Variants in GDA observed in about 807,000 individuals in gnomAD.
GDA encodes guanine deaminase, also known as cytoplasmic PSD-95 interactor.
In GDA, 18 loss-of-function variants were observed where a neutral mutation model predicts 59.6. That is an observed-to-expected ratio of 0.30 (90% CI 0.21 to 0.45). GDA has a LOEUF of 0.45. Among genes scored for constraint, GDA ranks in the 20% least tolerant of loss-of-function variants. GDA has a pLI of 1.00. For missense variants in GDA, 427 were observed against 552.3 expected, an observed-to-expected ratio of 0.77 and a Z score of 2.27; for synonymous variants, 201 against 201.1, an observed-to-expected ratio of 1.00 and a Z score of 0.00.
At chr9:72,195,337 C>CTT (rs55634274) in intron 1 of GDA, among the ~76,000 whole-genome samples, 163 bp from the exon 2 acceptor site, 32,458 of 119,192 alleles carry the variant, frequency 0.27, 4,599 homozygotes, top group East Asian at 0.55. Flanking sequence ...AAACACCTGT[C>CTT]TTTTTTTTTT....
chr9:72,248,512 T>C lies in GDA; in HGVS notation c.*170T>C, dbSNP rs377685147. 7 of 1,419,330 alleles carry C rather than the reference T, an allele frequency of 4.9e-6. No homozygotes were observed. Among genetic ancestry groups the C allele is most frequent in the Non-Finnish European group, 9.2e-7 (1 of 1,086,702 alleles). The allele number at this position is 1,419,330 out of a possible 1,614,324, so 87.9% of individuals were successfully genotyped here. A position where few individuals can be genotyped will look rare whatever the true frequency, so the allele number is the denominator to read the frequency against. On this transcript the variant is annotated 3_prime_UTR_variant, in exon 14 of 14. Coordinates refer to ENST00000358399, the MANE Select transcript of GDA (RefSeq NM_004293.5). ...ACAAATAGTTCGAAGGAAGTTGCAC[T>C]AATTCTCAACTCTGGTTGAGAGGGT...
In GDA at chr9:72,225,749, T is replaced by G. The variant is rs1321695451; in HGVS notation, c.787T>G (p.Ser263Ala). Residue 263 changes from serine (S) to alanine (A), a missense_variant, in exon 8 of 14, where the codon TCT (serine) becomes GCT (alanine). By Grantham distance (99) the Ser-to-Ala change is moderately conservative (BLOSUM62 1). Transcript: ENST00000358399. ...ATACCCCAGTTATAAAAACTACACATCTGTGTATGATAAAAACAATCTTTT... is the reference window on the plus strand; with the variant it reads ...ATACCCCAGTTATAAAAACTACACAGCTGTGTATGATAAAAACAATCTTTT... ...NLYPSYKNYT[S>A]VYDKNNLLTN... The G allele has an allele frequency of 6.7e-7, 1 of 1,501,896 alleles. No individual in the cohort carries two copies. The highest frequency in any genetic ancestry group is 9.2e-7 in the Non-Finnish European group (1 of 1,085,232). The allele number at this position is 1,501,896 out of a possible 1,614,324, so 93.0% of individuals were successfully genotyped here. A position where few individuals can be genotyped will look rare whatever the true frequency, so the allele number is the denominator to read the frequency against.
chr9:72,151,550 C>T (rs1827197352), intron 1 of GDA, among the ~76,000 whole-genome samples: 1 of 151,700 alleles, frequency 6.6e-6, no homozygotes, highest in African/African-American at 2.4e-5. Flanking sequence ...AATAATACGC[C>T]TTTGGAATAC....
downstream of GDA, among the ~76,000 whole-genome samples, chr9:72,256,169 A>C (rs2131909848): frequency 6.6e-6 from 1 of 152,320 alleles, no homozygotes; most frequent in Middle Eastern, 3.4e-3. Flanking sequence ...AAGATTTAAA[A>C]ATGGTTAATT....
chr9:72,178,602 G>A (rs1421966363), intron 1 of GDA, among the ~76,000 whole-genome samples: 1 of 152,038 alleles, frequency 6.6e-6, no homozygotes, highest in Non-Finnish European at 1.5e-5. Flanking sequence ...ATTTTTAGTA[G>A]AGGCAGGGTT....
intron 1 of GDA, among the ~76,000 whole-genome samples, chr9:72,184,702 C>T (rs1414735549): frequency 1.3e-5 from 2 of 152,134 alleles, no homozygotes; most frequent in East Asian, 1.9e-4. Flanking sequence ...CCACCAGAGT[C>T]TGTACTCTGA....
rs555814184 is a variant in GDA at position 72,116,676 on chromosome 9, C to T, written c.-100+1843C>T. The stretch of plus-strand genomic sequence containing the variant: ...CTGGGATTACAGGCGTGAGCCACCG[C>T]GCCCGGCCTCCCCAGGTTTTCTATC... On this transcript the variant is annotated intron_variant, in intron 1 of 13. Transcript: ENST00000545168. 5.3e-5 allele frequency among the ~76,000 whole-genome samples: 8 copies of T among 152,210 alleles called. No individual in the cohort carries two copies. In the East Asian group the frequency reaches 5.8e-4, roughly 11 times the overall value.
Position 72,244,069 on chromosome 9 carries a change from C to A in GDA, c.1136-1079C>A, listed in dbSNP as rs572297925. ...GTGGGTGCCTGTAGTCCTAGCTACTCGGGAGGCTGAGGCAGGAGAATGGTG... is the reference window on the plus strand; with the variant it reads ...GTGGGTGCCTGTAGTCCTAGCTACTAGGGAGGCTGAGGCAGGAGAATGGTG... On this transcript the variant is annotated intron_variant, in intron 11 of 13. Transcript: ENST00000358399. 5.9e-5 allele frequency among the ~76,000 whole-genome samples: 9 copies of A among 151,316 alleles called. No homozygotes were observed. In the South Asian group the frequency reaches 1.9e-3, roughly 32 times the overall value.
At chr9:72,182,139 A>AATT (rs1363661748) in intron 1 of GDA, among the ~76,000 whole-genome samples, 1 of 152,132 alleles carries the variant, frequency 6.6e-6, no homozygotes, top group African/African-American at 2.4e-5. Context: ...CATAATCATG[A>AATT]ATTATTATCT....
At chr9:72,157,604 CTCTGAG>C (rs1215900995) in intron 1 of GDA, among the ~76,000 whole-genome samples, 6 of 152,158 alleles carry the variant, frequency 3.9e-5, no homozygotes, top group Non-Finnish European at 5.9e-5. Context: ...CCTTTAGTGT[CTCTGAG>C]CTAAAATATA....
downstream of GDA, among the ~76,000 whole-genome samples, chr9:72,255,974 T>G (rs1259967416): frequency 1.6e-5 from 1 of 60,740 alleles, no homozygotes; most frequent in African/African-American, 6.0e-5. Context: ...TCAGTATAAA[T>G]GCATATAAAA....
At chr9:72,139,230 G>T (rs570547569) in intron 1 of GDA, among the ~76,000 whole-genome samples, 1 of 152,270 alleles carries the variant, frequency 6.6e-6, no homozygotes, top group South Asian at 2.1e-4. Context: ...ACTGGATTTT[G>T]TAATCAATTT....
chr9:72,210,748 C>A lies in GDA; in HGVS notation c.446C>A (p.Ser149Ter). The A allele has an allele frequency of 6.2e-7, 1 of 1,609,822 alleles. No homozygotes were observed. Among genetic ancestry groups the A allele is most frequent in the Non-Finnish European group, 8.5e-7 (1 of 1,176,156 alleles). Residue 149 changes from serine to a stop codon, truncating the protein, a stop_gained, in exon 4 of 14, where the codon TCA becomes TAA. Coordinates refer to ENST00000358399, the MANE Select transcript of GDA (RefSeq NM_004293.5). LOFTEE classifies it high-confidence loss of function. ...ACYFATIHTD[S>*]SLLLADITDK... ...TACTTTGCAACAATTCACACTGACT[C>A]ATCTCTGCTCCTTGCCGACATTACA...
At chr9:72,183,986 G>T (rs1452423246) in intron 1 of GDA, among the ~76,000 whole-genome samples, 1 of 152,028 alleles carries the variant, frequency 6.6e-6, no homozygotes, top group Non-Finnish European at 1.5e-5. Context: ...ATACCACTTT[G>T]CAACATAAGC....
chr9:72,201,251 T>C (rs1166090316), intron 2 of GDA, among the ~76,000 whole-genome samples: 2 of 151,968 alleles, frequency 1.3e-5, no homozygotes, highest in Middle Eastern at 3.2e-3. Flanking sequence ...TCAAACCTGA[T>C]TTCAGATCTT....
intron 1 of GDA, among the ~76,000 whole-genome samples, chr9:72,186,418 A>C (rs566971753): frequency 2.0e-5 from 3 of 152,200 alleles, no homozygotes; most frequent in Admixed American, 2.0e-4. Context: ...CAAATGTCTA[A>C]GTGGTTCACT....
At chr9:72,218,829 C>A (rs1836481586) in intron 5 of GDA, among the ~76,000 whole-genome samples, 1 of 152,156 alleles carries the variant, frequency 6.6e-6, no homozygotes, top group South Asian at 2.1e-4. Context: ...CTCTAACAAC[C>A]GTAGAGCATA....
At chr9:72,204,062 A>T (rs563864370) in intron 3 of GDA, among the ~76,000 whole-genome samples, 1 of 152,030 alleles carries the variant, frequency 6.6e-6, no homozygotes, top group African/African-American at 2.4e-5. Context: ...TGATCCACCC[A>T]CCTCGGCCTC....
intron 1 of GDA, among the ~76,000 whole-genome samples, chr9:72,158,872 C>CCATCATCAT (rs113332500): frequency 1.7e-4 from 26 of 150,740 alleles, no homozygotes; most frequent in African/African-American, 6.1e-4. Flanking sequence ...GGTAAGGACA[C>CCATCATCAT]CATCATCATC....
Sources: gnomAD v4.1 joint callset for allele counts (sites outside exome capture counted in the v4.1 genomes callset) on GRCh38, gnomAD v4.1.1 for gene constraint, MANE v1.5 for transcripts, NCBI Gene and HGNC (gene_info 2026-07-23, HGNC 2026-07-21) for gene names.